The following HAGH variants were observed in gnomAD, a reference collection of about 807,000 sequenced individuals.
The protein encoded by HAGH is hydroxyacylglutathione hydrolase, mitochondrial.
HAGH carries 29 observed loss-of-function variants against 35.1 expected under a neutral mutation model. The ratio of observed to expected loss-of-function variants is 0.83; its 90% CI spans 0.62 to 1.13. HAGH has a LOEUF of 1.13. Among genes scored for constraint, HAGH ranks in the 50% most tolerant of loss-of-function variants. HAGH has a pLI of 0.00. For synonymous variants in HAGH, 225 were observed against 176.1 expected (o/e 1.28, Z -2.20); for missense variants, 478 against 419.6 (o/e 1.14, Z -1.22).
rs767146577 is a variant in HAGH, at chr16:1,822,830, C to G, written c.249+35G>C. 4 of 1,590,424 alleles carry G rather than the reference C, an allele frequency of 2.5e-6. No individual in the cohort carries two copies. The Admixed American group carries it at 5.0e-5, about 20-fold the overall frequency. On this transcript the variant is annotated intron_variant, in intron 2 of 8. Transcript: ENST00000397356. ...GGGGTGAGGACTCCGAGCTGGGTGA[C>G]CAGGGCAGGGAGAGCCAGGCACAGC...
intron 1 of HAGH, among the ~76,000 whole-genome samples, chr16:1,824,916 T>C (rs1371077835): frequency 6.6e-6 from 1 of 151,998 alleles, no homozygotes; most frequent in Non-Finnish European, 1.5e-5. Context: ...AAGCAGAGTG[T>C]GGGTGCTGGG....
At chr16:1,813,752 C>T (rs1001916564) in intron 7 of HAGH, among the ~76,000 whole-genome samples, 24 of 152,130 alleles carry the variant, frequency 1.6e-4, no homozygotes, top group African/African-American at 5.8e-4. Context: ...CAACTAAAAC[C>T]ATTTTGAAAA....
chr16:1,818,632 G>T, intron 5 of HAGH: 1 of 155,680 alleles, frequency 6.4e-6, no homozygotes, highest in Non-Finnish European at 1.4e-5. Flanking sequence ...CCTCCGCACC[G>T]CCTTAGAAGG....
chr16:1,815,309 C>T (rs571626525), intron 7 of HAGH, among the ~76,000 whole-genome samples: 4 of 152,210 alleles, frequency 2.6e-5, no homozygotes, highest in Non-Finnish European at 5.9e-5. Context: ...CCACACAACA[C>T]AGCAATTCCA....
intron 7 of HAGH, chr16:1,812,505 A>C (rs1382740379): frequency 7.0e-5 from 1 of 14,298 alleles, no homozygotes; most frequent in African/African-American, 1.3e-4. Context: ...ACGCTGTCTC[A>C]AAAAAAAAAA....
At chr16:1,820,731 ACAC>A (rs1487189597) in intron 3 of HAGH, among the ~76,000 whole-genome samples, 2 of 152,134 alleles carry the variant, frequency 1.3e-5, no homozygotes, top group East Asian at 3.9e-4. Context: ...TCCAGCAACC[ACAC>A]CAGAAACCGC....
At chr16:1,813,399 C>T (rs865822940) in intron 7 of HAGH, among the ~76,000 whole-genome samples, 33 of 152,250 alleles carry the variant, frequency 2.2e-4, no homozygotes, top group Middle Eastern at 3.4e-3. Context: ...ATAAGTCACC[C>T]GGCCTCAAGT....
rs768822108 is a variant in HAGH, at chr16:1,819,129, G to C, written c.527C>G (p.Pro176Arg). The C allele has an allele frequency of 4.4e-6, 7 of 1,608,396 alleles. No individual in the cohort carries two copies. Among genetic ancestry groups the C allele is most frequent in the Non-Finnish European group, 6.0e-6 (7 of 1,175,294 alleles). The change falls in exon 5 of 9, where the codon CCT (proline) becomes CGT (arginine). Residue 176 changes from proline to arginine, a missense_variant. Pro to Arg is a moderately radical substitution (Grantham distance 103). Transcript: ENST00000397356. ...CGAACACGCACCTGTGAACACGGCA[G>C]GGGGCTCCGAGCCTCCGGGCTTGCT... Reference protein sequence around the residue: ...FVSKPGGSEPPAVFTGDTLFV... With the variant: ...FVSKPGGSEPRAVFTGDTLFV...
chr16:1,817,127 A>T, intron 6 of HAGH, 41 bp downstream of exon 6: 1 of 1,439,638 alleles, frequency 6.9e-7, no homozygotes. Flanking sequence ...CGCCCTGGTT[A>T]AGGCCCCCCA....
At chr16:1,816,210 A>C (rs1897884303) in intron 7 of HAGH, among the ~76,000 whole-genome samples, 1 of 141,638 alleles carries the variant, frequency 7.1e-6, no homozygotes, top group Non-Finnish European at 1.6e-5. Flanking sequence ...TCTCAAAAAA[A>C]AATTAAAAAA....
intron 7 of HAGH, among the ~76,000 whole-genome samples, chr16:1,814,135 A>G (rs1289693116): frequency 6.6e-6 from 1 of 152,172 alleles, no homozygotes; most frequent in Non-Finnish European, 1.5e-5. Context: ...TTTGTGAGCT[A>G]AGGGTATGCA....
At position 1,817,180 on chromosome 16, in the gene HAGH, G is replaced by T. The variant is rs143675773; in HGVS notation, c.633C>A (p.Leu211=). The change falls in exon 6 of 9, where the codon CTC becomes CTA. Residue 211 remains leucine (L), a synonymous_variant. Transcript: ENST00000397356. ...AGGCGCTGCCTACTGTGTCCGGGGG[G>T]AGCCGGCCCAAGACCTCCAGCAGAG... ...CKALLEVLGR[L]PPDTRVYCGH... is the part of the protein sequence containing the mutation. 2.0e-4 allele frequency: 322 copies of T among 1,607,796 alleles called. 1 individual carries two copies. The African/African-American group carries it at 3.1e-3, about 16-fold the overall frequency.
At chr16:1,820,215 G>A (rs893672545) in intron 3 of HAGH, among the ~76,000 whole-genome samples, 18 of 151,328 alleles carry the variant, frequency 1.2e-4, no homozygotes, top group Middle Eastern at 3.2e-3. Flanking sequence ...GGTTCCGAGC[G>A]TGGGGGCCTG....
chr16:1,811,636 C>A (rs1212806276), intron 7 of HAGH, among the ~76,000 whole-genome samples: 1 of 152,038 alleles, frequency 6.6e-6, no homozygotes, highest in Non-Finnish European at 1.5e-5. Context: ...TCGCTTGAAC[C>A]CGGGAGGCGG....
At chr16:1,822,122 C>T (rs1898178541) in intron 3 of HAGH, 178 bp downstream of exon 3, 3 of 603,876 alleles carry the variant, frequency 5.0e-6, no homozygotes, top group South Asian at 3.7e-5. Context: ...AGTCACTGAG[C>T]ACCAGACTTG....
intron 7 of HAGH, among the ~76,000 whole-genome samples, chr16:1,816,317 GA>G (rs1897891314): frequency 6.6e-6 from 1 of 151,842 alleles, no homozygotes; most frequent in African/African-American, 2.4e-5. Context: ...CTAAGAAATT[GA>G]AAAAGATGCT....
intron 1 of HAGH, among the ~76,000 whole-genome samples, chr16:1,825,178 C>T (rs1189629783): frequency 1.3e-5 from 2 of 152,072 alleles, no homozygotes; most frequent in Non-Finnish European, 2.9e-5. Context: ...ATTAGCTGGG[C>T]GTGGTGGCGA....
chr16:1,822,840 G>A (rs1567262642), intron 2 of HAGH, 25 bp downstream of exon 2: 4 of 1,603,276 alleles, frequency 2.5e-6, no homozygotes, highest in Non-Finnish European at 2.6e-6. Context: ...CCAGGGCAGG[G>A]AGAGCCAGGC....
intron 1 of HAGH, 163 bp downstream of exon 1, chr16:1,826,539 GCTCCGCGCCA>G: frequency 1.0e-6 from 1 of 982,392 alleles, no homozygotes; most frequent in Non-Finnish European, 1.2e-6. Context: ...CCCCGCGCCC[GCTCCGCGCCA>G]GCCTCAGCGC....
Sources: gnomAD v4.1 joint callset for allele counts (sites outside exome capture counted in the v4.1 genomes callset) on GRCh38, gnomAD v4.1.1 for gene constraint, MANE v1.5 for transcripts, NCBI Gene and HGNC (gene_info 2026-07-23, HGNC 2026-07-21) for gene names.